CACNA2D3: variants seen among roughly 807,000 people sequenced by gnomAD.
CACNA2D3 encodes the protein voltage-dependent calcium channel subunit alpha-2/delta-3.
In CACNA2D3, 60 loss-of-function variants were observed where a neutral mutation model predicts 160.6. The ratio of observed to expected loss-of-function variants is 0.37; its 90% CI spans 0.30 to 0.46. The LOEUF (loss-of-function observed/expected upper bound fraction) is 0.46. Among genes scored for constraint, CACNA2D3 ranks in the 20% least tolerant of loss-of-function variants. The pLI, the probability that CACNA2D3 is intolerant of heterozygous loss-of-function variation, is 1.00. For missense variants in CACNA2D3, 1,205 were observed against 1,365.0 expected, an observed-to-expected ratio of 0.88 and a Z score of 1.85; for synonymous variants, 558 against 492.9, an observed-to-expected ratio of 1.13 and a Z score of -1.75.
In CACNA2D3 at chr3:54,980,708, C is replaced by T. The variant is rs1190084426; in HGVS notation, c.2557-3900C>T. On this transcript the variant is annotated intron_variant, in intron 29 of 37. Coordinates refer to ENST00000474759, the MANE Select transcript of CACNA2D3 (RefSeq NM_018398.3). ...TAGAGGGCATGACTCTCCATATGTC[C>T]CCAGGCCTTATCTAGAGTCTAATGC... Among the ~76,000 whole-genome samples the T allele has an allele frequency of 2.0e-5, 3 of 152,130 alleles. No homozygotes were observed. In the East Asian group the frequency reaches 5.8e-4, roughly 29 times the overall value.
At chr3:54,401,966 C>T (rs577267704) in intron 4 of CACNA2D3, among the ~76,000 whole-genome samples, 26 of 151,982 alleles carry the variant, frequency 1.7e-4, no homozygotes, top group African/African-American at 3.6e-4. Context: ...TATAAAAAGA[C>T]GTAAATTCTG....
At chr3:54,477,420 T>A (rs1373181487) in intron 4 of CACNA2D3, among the ~76,000 whole-genome samples, 1 of 152,072 alleles carries the variant, frequency 6.6e-6, no homozygotes, top group African/African-American at 2.4e-5. Context: ...TATTTAAAAC[T>A]TAACAGTCAT....
chr3:54,285,763 C>T (rs1370725060), intron 2 of CACNA2D3, among the ~76,000 whole-genome samples: 4 of 152,190 alleles, frequency 2.6e-5, no homozygotes, highest in East Asian at 1.9e-4. Flanking sequence ...GCAGCATTTG[C>T]GGTTCACCAA....
rs919895239 is a variant in CACNA2D3 at position 54,155,474 on chromosome 3, C to T, written c.204+31880C>T. On this transcript the variant is annotated intron_variant, in intron 2 of 37. Transcript: ENST00000474759. The stretch of plus-strand genomic sequence containing the variant: ...CCACATAACTTCTGCTCACATCTAT[C>T]GGTCAGAGCCAGTTATATGGCCTAG... Among the ~76,000 whole-genome samples the T allele has an allele frequency of 2.6e-5, 4 of 152,182 alleles. No individual in the cohort carries two copies. The East Asian group carries it at 5.8e-4, about 22-fold the overall frequency.
intron 3 of CACNA2D3, among the ~76,000 whole-genome samples, chr3:54,366,562 ATG>A (rs1255366644): frequency 1.3e-5 from 2 of 152,212 alleles, no homozygotes; most frequent in Non-Finnish European, 2.9e-5. Flanking sequence ...TTCGCAGGAG[ATG>A]TGCCAGCTCC....
chr3:54,318,137 G>GGA (rs371122722), intron 2 of CACNA2D3, among the ~76,000 whole-genome samples: 14,230 of 152,092 alleles, frequency 0.094, 848 homozygotes, highest in East Asian at 0.18. Flanking sequence ...GAAATCTTTT[G>GGA]TGTCTGCTGT....
At chr3:54,639,178 G>A (rs1015934871) in intron 10 of CACNA2D3, 11 of 151,888 alleles carry the variant, frequency 7.2e-5, no homozygotes, top group African/African-American at 2.7e-4. Context: ...TAGGAAAGCG[G>A]GACTTGCTGC....
intron 25 of CACNA2D3, 71 bp from the exon 26 acceptor site, chr3:54,896,678 G>C (rs908766390): frequency 8.8e-6 from 14 of 1,597,636 alleles, no homozygotes; most frequent in Non-Finnish European, 1.2e-5. Context: ...GATGAAGGCT[G>C]TCGGGGTGCT....
intron 21 of CACNA2D3, among the ~76,000 whole-genome samples, chr3:54,882,063 A>G (rs1171788079): frequency 2.0e-5 from 3 of 152,208 alleles, no homozygotes; most frequent in East Asian, 3.9e-4. Flanking sequence ...AGAGCTAACC[A>G]TGTGGTCTCT....
chr3:54,317,484 G>C (rs1703888583), intron 2 of CACNA2D3, among the ~76,000 whole-genome samples: 1 of 152,190 alleles, frequency 6.6e-6, no homozygotes, highest in Admixed American at 6.5e-5. Context: ...CCCATGGCAG[G>C]TGGTAGAAGG....
chr3:54,850,266 G>A (rs928582922), intron 17 of CACNA2D3, among the ~76,000 whole-genome samples: 7 of 152,078 alleles, frequency 4.6e-5, no homozygotes, highest in African/African-American at 1.4e-4. Flanking sequence ...CAAAGGGGCC[G>A]GGGGGCTGCA....
Position 55,074,383 on chromosome 3 carries a change from A to AAGTT in CACNA2D3, c.*179_*182dup, listed in dbSNP as rs774876557. ...AAACTCTTAAAGATATGTTGACAAAAAGTTATCTATCATCTTTTTACTTTG... is the reference window on the plus strand; with the variant it reads ...AAACTCTTAAAGATATGTTGACAAAAAGTTAGTTATCTATCATCTTTTTACTTTG... On this transcript the variant is annotated 3_prime_UTR_variant, in exon 38 of 38. Transcript: ENST00000474759. The AAGTT allele has an allele frequency of 4.1e-4, 240 of 580,616 alleles. No homozygotes were observed. In the Middle Eastern group the frequency reaches 4.7e-3, roughly 11 times the overall value. The allele number at this position is 580,616 out of a possible 1,614,324, so 36.0% of individuals were successfully genotyped here. A position where few individuals can be genotyped will look rare whatever the true frequency, so the allele number is the denominator to read the frequency against.
intron 31 of CACNA2D3, among the ~76,000 whole-genome samples, chr3:54,993,015 GCACT>G (rs1702776110): frequency 6.6e-6 from 1 of 152,140 alleles, no homozygotes; most frequent in Non-Finnish European, 1.5e-5. Context: ...GATCTCGTGA[GCACT>G]CACTCACTAT....
intron 2 of CACNA2D3, among the ~76,000 whole-genome samples, chr3:54,217,826 A>T (rs1701488428): frequency 6.6e-6 from 1 of 152,096 alleles, no homozygotes; most frequent in South Asian, 2.1e-4. Flanking sequence ...GTAGTTTGTT[A>T]CAGCAGCCCC....
intron 27 of CACNA2D3, among the ~76,000 whole-genome samples, chr3:54,905,872 T>A (rs79334465): frequency 6.6e-6 from 1 of 152,206 alleles, no homozygotes; most frequent in South Asian, 2.1e-4. Context: ...TTTTTCCTTA[T>A]AGACTAACAA....
At chr3:54,678,065 A>G (rs1276882462) in intron 11 of CACNA2D3, among the ~76,000 whole-genome samples, 1 of 152,166 alleles carries the variant, frequency 6.6e-6, no homozygotes, top group Admixed American at 6.5e-5. Context: ...TTGTTTTTGG[A>G]GACTTCTTTT....
intron 2 of CACNA2D3, among the ~76,000 whole-genome samples, chr3:54,138,137 G>A (rs928698241): frequency 3.3e-5 from 5 of 152,360 alleles, no homozygotes; most frequent in Non-Finnish European, 5.9e-5. Context: ...CTTGCCCAGG[G>A]CAACACAGCT....
chr3:54,575,311 A>C (rs1702562603), intron 8 of CACNA2D3, among the ~76,000 whole-genome samples: 1 of 152,314 alleles, frequency 6.6e-6, no homozygotes, highest in African/African-American at 2.4e-5. Flanking sequence ...TTTTGGCAGA[A>C]CTTTGGATTC....
intron 11 of CACNA2D3, among the ~76,000 whole-genome samples, chr3:54,687,686 G>C (rs1170915092): frequency 6.6e-6 from 1 of 152,190 alleles, no homozygotes; most frequent in African/African-American, 2.4e-5. Flanking sequence ...AGAGAGGCAT[G>C]TGTTTGCAGG....
Sources: allele counts gnomAD v4.1 joint callset (sites outside exome capture counted in the v4.1 genomes callset), GRCh38; gene constraint gnomAD v4.1.1; transcripts MANE v1.5; gene names NCBI Gene and HGNC (gene_info 2026-07-23, HGNC 2026-07-21).